The following PCDH7 variants were observed in gnomAD, a reference collection of about 807,000 sequenced individuals.
The protein encoded by PCDH7 is protocadherin-7.
In PCDH7, 17 loss-of-function variants were observed where a neutral mutation model predicts 58.9. That is an observed-to-expected ratio of 0.29 (90% confidence interval 0.20 to 0.43). The LOEUF is 0.43. Ranked by LOEUF, PCDH7 falls within the 20% of genes least tolerant of loss-of-function variation. The probability of loss-of-function intolerance (pLI) is 1.00; values close to 1 mark genes in which losing one functional copy is unlikely to be tolerated. For synonymous variants in PCDH7, 664 were observed against 616.4 expected (o/e 1.08, Z -1.14); for missense variants, 1,274 against 1,441.0 (o/e 0.88, Z 1.88).
intron 1 of PCDH7, among the ~76,000 whole-genome samples, chr4:30,799,336 G>C (rs1725217187): frequency 6.6e-6 from 1 of 152,124 alleles, no homozygotes; most frequent in South Asian, 2.1e-4. Flanking sequence ...TACTTACAAT[G>C]TTAAATTTTC....
intron 3 of PCDH7, among the ~76,000 whole-genome samples, chr4:30,956,657 T>G (rs1257775741): frequency 6.6e-6 from 1 of 152,202 alleles, no homozygotes; most frequent in African/African-American, 2.4e-5. Flanking sequence ...TCATAAAGTA[T>G]TTTACCTGGA....
At chr4:30,898,408 T>C (rs907429510) in intron 1 of PCDH7, among the ~76,000 whole-genome samples, 1 of 152,136 alleles carries the variant, frequency 6.6e-6, no homozygotes, top group Non-Finnish European at 1.5e-5. Context: ...TCGAGGAGGA[T>C]ACAAAAACAG....
In PCDH7 at chr4:30,832,709, C is replaced by A. The variant is rs183802460; in HGVS notation, c.71-87444C>A. Among the ~76,000 whole-genome samples, 285 of 152,214 alleles carry A rather than the reference C, an allele frequency of 1.9e-3. 1 individual carries two copies. Among genetic ancestry groups the A allele is most frequent in the African/African-American group, 6.5e-3 (271 of 41,534 alleles). Reference sequence around the variant, plus strand: ...TCATCCATTAATTTAAGTCAAGAAACTTTGATGGTCCTGTCATGAGCCATA... The same window carrying A: ...TCATCCATTAATTTAAGTCAAGAAAATTTGATGGTCCTGTCATGAGCCATA... On this transcript the variant is annotated intron_variant, in intron 1 of 3. Transcript: ENST00000509759.
chr4:30,749,924 G>A (rs1718283598), intron 1 of PCDH7, among the ~76,000 whole-genome samples: 1 of 152,192 alleles, frequency 6.6e-6, no homozygotes, highest in Non-Finnish European at 1.5e-5. Context: ...TTTCTAATCT[G>A]TAAAAATGAT....
chr4:31,033,366 T>C (rs1755118871), intron 3 of PCDH7, among the ~76,000 whole-genome samples: 1 of 152,196 alleles, frequency 6.6e-6, no homozygotes, highest in African/African-American at 2.4e-5. Flanking sequence ...ATAGTAAAAT[T>C]AGAGAATCTT....
chr4:31,103,865 A>T (rs762009171), intron 3 of PCDH7, among the ~76,000 whole-genome samples: 35 of 152,328 alleles, frequency 2.3e-4, no homozygotes, highest in Admixed American at 2.6e-4. Flanking sequence ...AACACCACCA[A>T]CTGCTTTCTT....
At chr4:30,726,487 G>C (rs775328066) in intron 1 of PCDH7, among the ~76,000 whole-genome samples, 2 of 151,942 alleles carry the variant, frequency 1.3e-5, no homozygotes, top group Admixed American at 6.6e-5. Context: ...CATCAGATGA[G>C]GTTAGCTCTA....
intron 1 of PCDH7, among the ~76,000 whole-genome samples, chr4:30,868,262 T>C (rs1359686062): frequency 6.6e-6 from 1 of 152,080 alleles, no homozygotes; most frequent in Non-Finnish European, 1.5e-5. Context: ...TAATCCCTAT[T>C]ATAGTGCTAT....
At chr4:31,115,701 G>A (rs192880569) in intron 3 of PCDH7, among the ~76,000 whole-genome samples, 1 of 152,072 alleles carries the variant, frequency 6.6e-6, no homozygotes, top group East Asian at 1.9e-4. Flanking sequence ...CGTATTCTGT[G>A]CTTTCCCTCT....
Position 30,721,732 on chromosome 4 carries a change from G to A in PCDH7, c.310G>A (p.Asp104Asn). The change falls in exon 1 of 2, where the codon GAC becomes AAC. Residue 104 changes from aspartate to asparagine, a missense_variant. By Grantham distance (23) the Asp-to-Asn change is conservative (BLOSUM62 1). Coordinates refer to ENST00000361762, the Ensembl canonical transcript of PCDH7. This position sits in a 1 kb window ranked among gnomAD's most constrained non-coding sequence, Gnocchi z 6.7. ...GCTGCCCCAGTGTCAGATGATCTTC[G>A]ACGAGAACGAGTGCTTCCTGGACTT... The A allele has an allele frequency of 6.2e-7, 1 of 1,614,030 alleles. No homozygotes were observed. Among genetic ancestry groups the A allele is most frequent in the Non-Finnish European group, 8.5e-7 (1 of 1,180,032 alleles).
chr4:30,858,183 C>G (rs1005026641), intron 1 of PCDH7, among the ~76,000 whole-genome samples: 6 of 152,232 alleles, frequency 3.9e-5, no homozygotes, highest in East Asian at 1.9e-4. Flanking sequence ...CTAATACAGA[C>G]TTTTGCCAGT....
chr4:31,084,742 A>C (rs1474571309), intron 3 of PCDH7, among the ~76,000 whole-genome samples: 3 of 51,600 alleles, frequency 5.8e-5, no homozygotes, highest in African/African-American at 2.4e-4. Context: ...AGGGGAGGGG[A>C]TGAGGGAGGG....
rs572538537 is a variant in PCDH7 at position 31,056,780 on chromosome 4, A to G, written c.*8-85693A>G. Among the ~76,000 whole-genome samples the G allele has an allele frequency of 3.9e-5, 6 of 152,288 alleles. No homozygotes were observed. In the South Asian group the frequency reaches 8.3e-4, roughly 21 times the overall value. On this transcript the variant is annotated intron_variant, in intron 3 of 3. Transcript: ENST00000509759. ...GAGAGCCCAATGATGGGATTTCACC[A>G]TGTTGGCCAGGCTGGTCTTGAACTC...
At chr4:30,856,165 GAAGAA>G (rs1733429796) in intron 1 of PCDH7, among the ~76,000 whole-genome samples, 1 of 149,580 alleles carries the variant, frequency 6.7e-6, no homozygotes, top group Non-Finnish European at 1.5e-5. Context: ...GATATGCCAA[GAAGAA>G]AAGAAGAATT....
chr4:30,739,729 A>T (rs901753048), intron 1 of PCDH7, among the ~76,000 whole-genome samples: 1 of 152,214 alleles, frequency 6.6e-6, no homozygotes, highest in South Asian at 2.1e-4. Context: ...ATATACATAC[A>T]TGAAACACAC....
At chr4:31,082,983 C>A (rs1162202340) in intron 3 of PCDH7, among the ~76,000 whole-genome samples, 12 of 152,120 alleles carry the variant, frequency 7.9e-5, no homozygotes, top group Admixed American at 7.2e-4. Context: ...TGGTGGGCAC[C>A]TGTAGTCCCA....
intron 3 of PCDH7, among the ~76,000 whole-genome samples, chr4:30,987,178 T>A (rs905408835): frequency 1.3e-5 from 2 of 152,080 alleles, no homozygotes; most frequent in Non-Finnish European, 2.9e-5. Flanking sequence ...CTCCAAAATC[T>A]TCTTAAAATT....
At chr4:30,805,424 C>T (rs1726064397) in intron 1 of PCDH7, among the ~76,000 whole-genome samples, 2 of 152,048 alleles carry the variant, frequency 1.3e-5, no homozygotes, top group Non-Finnish European at 2.9e-5. Flanking sequence ...ATACTAAGAA[C>T]TACTTCATGG....
chr4:31,054,067 G>A (rs991551488), intron 3 of PCDH7, among the ~76,000 whole-genome samples: 5 of 152,010 alleles, frequency 3.3e-5, no homozygotes, highest in Admixed American at 2.0e-4. Flanking sequence ...CCAGGCTCAA[G>A]CAATCCTCCC....
Sources: gnomAD v4.1 joint callset for allele counts (sites outside exome capture counted in the v4.1 genomes callset) on GRCh38, gnomAD v4.1.1 for gene constraint, Gnocchi (gnomAD v3.1) non-coding constraint, MANE v1.5 for transcripts, NCBI Gene and HGNC (gene_info 2026-07-23, HGNC 2026-07-21) for gene names.